AGK: variants seen among roughly 807,000 people sequenced by gnomAD.
AGK encodes the protein acylglycerol kinase.
A neutral mutation model predicts 66.4 loss-of-function variants in AGK; 52 were observed. The observed-to-expected ratio is 0.78, with a 90% confidence interval of 0.63 to 0.99. AGK has a LOEUF of 0.99. AGK is among the 50% of genes least tolerant of loss of function. AGK has a pLI of 0.00. For missense variants in AGK, 451 were observed against 506.6 expected (o/e 0.89, Z 1.05); for synonymous variants, 182 against 181.1 (o/e 1.00, Z -0.04).
chr7:141,642,410 GTTAAAT>G (rs1797311440), intron 13 of AGK, among the ~76,000 whole-genome samples: 1 of 152,124 alleles, frequency 6.6e-6, no homozygotes, highest in Non-Finnish European at 1.5e-5. Flanking sequence ...CATGTGGCTA[GTTAAAT>G]TTAAATTAAT....
chr7:141,638,964 T>C (rs1010726340), intron 11 of AGK, among the ~76,000 whole-genome samples: 3 of 152,034 alleles, frequency 2.0e-5, no homozygotes, highest in South Asian at 2.1e-4. Flanking sequence ...GAAATTACCA[T>C]TGAGTACAGA....
intron 9 of AGK, among the ~76,000 whole-genome samples, chr7:141,622,456 C>T (rs1796848225): frequency 6.6e-6 from 1 of 152,180 alleles, no homozygotes; most frequent in Admixed American, 6.5e-5. Flanking sequence ...CACTTCATGA[C>T]TCTGTGTCAC....
chr7:141,604,126 A>C (rs963792963), intron 5 of AGK, among the ~76,000 whole-genome samples: 1 of 151,946 alleles, frequency 6.6e-6, no homozygotes, highest in Admixed American at 6.6e-5. Flanking sequence ...AAAAATAAAT[A>C]GAAATACTAA....
intron 5 of AGK, among the ~76,000 whole-genome samples, chr7:141,603,283 T>G (rs772499743): frequency 2.6e-5 from 4 of 152,200 alleles, no homozygotes; most frequent in Non-Finnish European, 5.9e-5. Flanking sequence ...TACATAGATT[T>G]GTCCATTTTT....
In AGK at chr7:141,575,871, CT is replaced by C. The variant is rs369069324; in HGVS notation, c.102-17274del. On this transcript the variant is annotated intron_variant, in intron 2 of 15. Coordinates refer to ENST00000649286, the MANE Select transcript of AGK (RefSeq NM_018238.4). ...AGGTAAAACATATTTTGGCAAAAGGCTGCTGGGAGGATTGACTTTATTGAGA... is the reference window on the plus strand; with the variant it reads ...AGGTAAAACATATTTTGGCAAAAGGCGCTGGGAGGATTGACTTTATTGAGA... Among the ~76,000 whole-genome samples, 489 of 152,136 alleles carry C rather than the reference CT, an allele frequency of 3.2e-3. 2 individuals carry two copies. The highest frequency in any genetic ancestry group is 0.011 in the African/African-American group (452 of 41,506).
chr7:141,629,660 G>A (rs1469216150), intron 9 of AGK, among the ~76,000 whole-genome samples: 1 of 152,002 alleles, frequency 6.6e-6, no homozygotes, highest in Non-Finnish European at 1.5e-5. Context: ...TGCCTTGCTG[G>A]CTCATTTCCT....
At chr7:141,584,329 G>C (rs1795950000) in intron 2 of AGK, among the ~76,000 whole-genome samples, 1 of 152,120 alleles carries the variant, frequency 6.6e-6, no homozygotes, top group African/African-American at 2.4e-5. Flanking sequence ...TTAAGGCAGG[G>C]ACCGGCCATT....
chr7:141,594,642 T>C (rs1383698949), intron 3 of AGK, among the ~76,000 whole-genome samples: 1 of 152,048 alleles, frequency 6.6e-6, no homozygotes, highest in Non-Finnish European at 1.5e-5. Context: ...CTCCTTCTCA[T>C]GTATTTCTTT....
At chr7:141,649,922 A>G (rs1347875232) in intron 14 of AGK, among the ~76,000 whole-genome samples, 4 of 152,216 alleles carry the variant, frequency 2.6e-5, no homozygotes, top group Non-Finnish European at 5.9e-5. Context: ...CCCTTTTCCA[A>G]TACAGAATAC....
intron 2 of AGK, among the ~76,000 whole-genome samples, chr7:141,564,302 A>G (rs1795417216): frequency 6.6e-6 from 1 of 152,208 alleles, no homozygotes. Context: ...TTTTAAAGGA[A>G]AGAGGTTTAA....
chr7:141,603,081 C>A (rs1796377865), intron 5 of AGK, among the ~76,000 whole-genome samples: 1 of 152,070 alleles, frequency 6.6e-6, no homozygotes. Context: ...AATGTTGTAT[C>A]TATGCCTAAA....
chr7:141,552,706 A>C (rs532286852), intron 1 of AGK, among the ~76,000 whole-genome samples: 3 of 152,328 alleles, frequency 2.0e-5, no homozygotes, highest in African/African-American at 7.2e-5. Context: ...TTCTCCCCTG[A>C]AGCAGGCCAT....
chr7:141,611,348 A>G, intron 6 of AGK, 61 bp downstream of exon 6: 1 of 1,227,508 alleles, frequency 8.1e-7, no homozygotes, highest in Admixed American at 2.0e-5. Context: ...ATTAAATCCT[A>G]GAGCAATGGT....
chr7:141,586,250 G>A lies in AGK; in HGVS notation c.102-6896G>A, dbSNP rs534415279. Among the ~76,000 whole-genome samples the A allele has an allele frequency of 4.6e-5, 7 of 152,248 alleles. No individual in the cohort carries two copies. The East Asian group carries it at 1.2e-3, about 25-fold the overall frequency. The stretch of plus-strand genomic sequence containing the variant: ...TCTTGATCTGGTAACGTTTTTGTGC[G>A]TTTGGAATTTTTTAGTTTTTCATCC... On this transcript the variant is annotated intron_variant, in intron 2 of 15. Coordinates refer to ENST00000649286, the MANE Select transcript of AGK (RefSeq NM_018238.4).
At chr7:141,632,041 C>G (rs942759617) in intron 9 of AGK, among the ~76,000 whole-genome samples, 3 of 151,992 alleles carry the variant, frequency 2.0e-5, no homozygotes. Flanking sequence ...CCAGCCTGGT[C>G]AACATGGTGA....
chr7:141,591,733 T>C (rs1399119929), intron 2 of AGK, among the ~76,000 whole-genome samples: 1 of 152,244 alleles, frequency 6.6e-6, no homozygotes, highest in Non-Finnish European at 1.5e-5. Flanking sequence ...TTATTGTTCA[T>C]CTTTTCTGGG....
At chr7:141,561,283 C>A (rs1385250784) in intron 2 of AGK, among the ~76,000 whole-genome samples, 1 of 152,120 alleles carries the variant, frequency 6.6e-6, no homozygotes, top group East Asian at 1.9e-4. Flanking sequence ...TGGGTAGATA[C>A]CCAGTAGTGG....
chr7:141,631,398 G>A (rs186785190), intron 9 of AGK, among the ~76,000 whole-genome samples: 1 of 152,200 alleles, frequency 6.6e-6, no homozygotes, highest in African/African-American at 2.4e-5. Context: ...ACGTTATTAT[G>A]CCATTTTATA....
At chr7:141,556,582 C>T (rs1046020926) in intron 2 of AGK, among the ~76,000 whole-genome samples, 6 of 151,912 alleles carry the variant, frequency 3.9e-5, no homozygotes, top group African/African-American at 1.5e-4. Context: ...CATGTTTGCC[C>T]CAAGCAGTTC....
Sources: allele counts gnomAD v4.1 joint callset (sites outside exome capture counted in the v4.1 genomes callset), GRCh38; gene constraint gnomAD v4.1.1; transcripts MANE v1.5; gene names NCBI Gene and HGNC (gene_info 2026-07-23, HGNC 2026-07-21).